ARFGEF2: variants seen among roughly 807,000 people sequenced by gnomAD.
ARFGEF2 encodes the protein ARF guanine nucleotide exchange factor 2, also known as brefeldin A-inhibited guanine nucleotide-exchange protein 2.
A neutral mutation model predicts 219.9 loss-of-function variants in ARFGEF2; 74 were observed. That is an observed-to-expected ratio of 0.34 (90% CI 0.28 to 0.41). The LOEUF is 0.41. Among genes scored for constraint, ARFGEF2 ranks in the 10% least tolerant of loss-of-function variants. ARFGEF2 has a pLI of 1.00. For synonymous variants in ARFGEF2, 733 were observed against 799.2 expected (o/e 0.92, Z 1.40); for missense variants, 1,743 against 2,218.3 (o/e 0.79, Z 4.30).
intron 6 of ARFGEF2, among the ~76,000 whole-genome samples, chr20:48,955,634 T>C (rs1370567491): frequency 1.3e-5 from 2 of 152,256 alleles, no homozygotes; most frequent in African/African-American, 4.8e-5. Context: ...TAATTTGCTG[T>C]TAGCATGTTG....
chr20:49,007,672 A>T (rs1323275239), intron 26 of ARFGEF2, among the ~76,000 whole-genome samples: 5 of 151,114 alleles, frequency 3.3e-5, no homozygotes, highest in Admixed American at 6.6e-5. Context: ...GGTAGTGAAT[A>T]AAAGGGTACC....
rs1285273254 is a variant in ARFGEF2, at chr20:48,950,810, AAATATAT to A, written c.277-511_277-505del. 7.3e-3 allele frequency among the ~76,000 whole-genome samples: 300 copies of A among 41,088 alleles called. 2 individuals carry two copies. The highest frequency in any genetic ancestry group is 0.039 in the African/African-American group (260 of 6,750). 27.0% of individuals were successfully genotyped at this position (41,088 alleles called of 152,430 possible). A position where few individuals can be genotyped will look rare whatever the true frequency, so the allele number is the denominator to read the frequency against. On this transcript the variant is annotated intron_variant, in intron 3 of 38. Transcript: ENST00000371917. Reference sequence around the variant, plus strand: ...GACCCTGTCTAAAAAAAAAAAAAAAAAATATATATATATATATATATATATATATATA... The same window carrying A: ...GACCCTGTCTAAAAAAAAAAAAAAAAATATATATATATATATATATATATA...
intron 3 of ARFGEF2, among the ~76,000 whole-genome samples, chr20:48,942,556 C>T (rs1479754344): frequency 1.4e-5 from 2 of 141,978 alleles, no homozygotes; most frequent in Non-Finnish European, 3.0e-5. Context: ...GCGACCTCAG[C>T]TCACTGCAAC....
intron 25 of ARFGEF2, among the ~76,000 whole-genome samples, chr20:49,000,839 A>G (rs754576814): frequency 2.0e-5 from 3 of 152,162 alleles, no homozygotes; most frequent in Non-Finnish European, 2.9e-5. Context: ...TGGGAGGGGA[A>G]CATCAGTTTG....
chr20:49,026,533 G>C (rs2091603965), intron 36 of ARFGEF2, among the ~76,000 whole-genome samples: 1 of 150,288 alleles, frequency 6.7e-6, no homozygotes, highest in South Asian at 2.1e-4. Flanking sequence ...TTTGAACTTT[G>C]CATACAAGTG....
rs2091656547 is a variant in ARFGEF2, at chr20:49,034,782, CTTGTT to C, written c.*1586_*1590del. ...GAGACCGATATTCTTAAGTTGTTTT[CTTGTT>C]TTAACAGCCTTGAGAAATGTTTGGT... On this transcript the variant is annotated 3_prime_UTR_variant, in exon 39 of 39. Coordinates refer to ENST00000371917, the MANE Select transcript of ARFGEF2 (RefSeq NM_006420.3). The C allele has an allele frequency of 6.6e-6, 1 of 152,108 alleles. No homozygotes were observed. Among genetic ancestry groups the C allele is most frequent in the South Asian group, 2.1e-4 (1 of 4,830 alleles). The allele number at this position is 152,108 out of a possible 1,614,324, so 9.4% of individuals were successfully genotyped here.
At chr20:48,936,202 G>A (rs1332691548) in intron 1 of ARFGEF2, among the ~76,000 whole-genome samples, 218 of 144,238 alleles carry the variant, frequency 1.5e-3, no homozygotes, top group Non-Finnish European at 2.6e-3. Flanking sequence ...GGGCGGCCGG[G>A]CAGAGGCGCC....
intron 25 of ARFGEF2, 104 bp downstream of exon 25, chr20:48,998,609 C>T (rs1276790875): frequency 1.7e-6 from 2 of 1,179,286 alleles, no homozygotes; most frequent in Non-Finnish European, 2.4e-6. Flanking sequence ...TTTTTAGATG[C>T]CTCTAATTCA....
chr20:48,974,118 A>ATTTTTTTTTTT (rs57941437), intron 12 of ARFGEF2, among the ~76,000 whole-genome samples: 1 of 70,066 alleles, frequency 1.4e-5, no homozygotes, highest in Non-Finnish European at 2.5e-5. Flanking sequence ...TTGAGTGTGA[A>ATTTTTTTTTTT]TTTTTTTTTT....
chr20:49,019,107 C>A, intron 34 of ARFGEF2, 109 bp downstream of exon 34: 1 of 889,258 alleles, frequency 1.1e-6, no homozygotes, highest in Non-Finnish European at 1.8e-6. Context: ...CCCTGTGCCT[C>A]AGTCTGCCAG....
At position 48,947,936 on chromosome 20, in the gene ARFGEF2, A is replaced by G. The variant is rs2091038496; in HGVS notation, c.277-3387A>G. Among the ~76,000 whole-genome samples, 3 of 152,372 alleles carry G rather than the reference A, an allele frequency of 2.0e-5. No individual in the cohort carries two copies. In the South Asian group the frequency reaches 6.2e-4, roughly 32 times the overall value. The stretch of plus-strand genomic sequence containing the variant: ...ACTTTGACAGGACAATTGGAAAAAT[A>G]TAAATAAAATTCTAACATTTTCTTT... On this transcript the variant is annotated intron_variant, in intron 3 of 38. Transcript: ENST00000371917.
At chr20:48,972,495 C>T (rs1036358062) in intron 11 of ARFGEF2, 70 bp downstream of exon 11, 6 of 1,140,628 alleles carry the variant, frequency 5.3e-6, no homozygotes, top group Non-Finnish European at 8.0e-6. Flanking sequence ...CAGATTAAGA[C>T]TTCTAACCCC....
At chr20:49,010,206 A>C (rs1301966144) in intron 26 of ARFGEF2, 26 bp from the exon 27 acceptor site, 1 of 1,609,630 alleles carries the variant, frequency 6.2e-7, no homozygotes, top group Admixed American at 1.7e-5. Context: ...AGTACAGACG[A>C]TATGGCCGTC....
Position 48,995,866 on chromosome 20 carries a change from G to A in ARFGEF2, c.3205G>A (p.Val1069Ile). The A allele has an allele frequency of 6.2e-7, 1 of 1,614,150 alleles. No homozygotes were observed. Among genetic ancestry groups the A allele is most frequent in the Admixed American group, 1.7e-5 (1 of 60,024 alleles). Residue 1069 changes from valine to isoleucine, a missense_variant, in exon 23 of 39, where the codon GTT (valine) becomes ATT (isoleucine). Transcript: ENST00000371917. ...TGGTGAGACCAGCTCGCAGAGTGTGGTTGTAGCTGTGGACAGGTAATGATT... is the reference window on the plus strand; with the variant it reads ...TGGTGAGACCAGCTCGCAGAGTGTGATTGTAGCTGTGGACAGGTAATGATT... ...SVGETSSQSV[V>I]VAVDRIFTGS... is the part of the protein sequence containing the mutation.
At chr20:48,942,483 T>G (rs1450157630) in intron 3 of ARFGEF2, among the ~76,000 whole-genome samples, 6 of 139,394 alleles carry the variant, frequency 4.3e-5, no homozygotes, top group East Asian at 4.1e-4. Context: ...GTTTTTTTTT[T>G]TTTTTTTTTT....
chr20:48,970,980 G>A (rs1342538834), intron 9 of ARFGEF2, 140 bp from the exon 10 acceptor site: 1 of 747,716 alleles, frequency 1.3e-6, no homozygotes, highest in African/African-American at 1.7e-5. Flanking sequence ...CATGCCATCT[G>A]CCCTCATTCT....
chr20:48,977,200 G>A (rs1440447175), intron 14 of ARFGEF2, among the ~76,000 whole-genome samples: 1 of 151,370 alleles, frequency 6.6e-6, no homozygotes, highest in Non-Finnish European at 1.5e-5. Context: ...TCATTGTTTG[G>A]TACCCACCTA....
chr20:48,935,941 G>GGA (rs1408727942), intron 1 of ARFGEF2, among the ~76,000 whole-genome samples: 1 of 132,646 alleles, frequency 7.5e-6, no homozygotes, highest in South Asian at 2.4e-4. Flanking sequence ...GCTGGCCGGG[G>GGA]GGGGGGGCTG....
chr20:48,963,080 G>A (rs2091163918), intron 6 of ARFGEF2, among the ~76,000 whole-genome samples: 1 of 151,366 alleles, frequency 6.6e-6, no homozygotes, highest in Non-Finnish European at 1.5e-5. Context: ...TGGTGAGGAG[G>A]CGGGAGGATT....
Sources: gnomAD v4.1 joint callset for allele counts (sites outside exome capture counted in the v4.1 genomes callset) on GRCh38, gnomAD v4.1.1 for gene constraint, MANE v1.5 for transcripts, NCBI Gene and HGNC (gene_info 2026-07-23, HGNC 2026-07-21) for gene names.